Variants in NDUFV2 observed in about 807,000 individuals in gnomAD.
The protein encoded by NDUFV2 is NADH dehydrogenase [ubiquinone] flavoprotein 2, mitochondrial.
NDUFV2 carries 18 observed loss-of-function variants against 31.6 expected under a neutral mutation model. The observed-to-expected ratio is 0.57, with a 90% CI of 0.39 to 0.84. The LOEUF is 0.84. Ranked by LOEUF, NDUFV2 falls within the 40% of genes least tolerant of loss-of-function variation. The pLI, the probability that NDUFV2 is intolerant of heterozygous loss-of-function variation, is 0.00. For missense variants in NDUFV2, 314 were observed against 303.6 expected (o/e 1.03, Z -0.26); for synonymous variants, 83 against 99.8 (o/e 0.83, Z 1.01).
rs536500833 is a variant in NDUFV2, at chr18:9,107,721, G to A, written c.54+4924G>A. Among the ~76,000 whole-genome samples, 28 of 152,314 alleles carry A rather than the reference G, an allele frequency of 1.8e-4. No homozygotes were observed. The South Asian group carries it at 3.1e-3, about 17-fold the overall frequency. On this transcript the variant is annotated intron_variant, in intron 1 of 7. Coordinates refer to ENST00000318388, the MANE Select transcript of NDUFV2 (RefSeq NM_021074.5). ...AAGGGAAATCACTATGTATGGTGAA[G>A]ATTTAAATTTAATAGGCACTCTAAT...
rs148866314 is a variant in NDUFV2 at position 9,110,718 on chromosome 18, C to T, written c.55-7120C>T. ...AGACAGGGTTTCACCATGTTGCCCA[C>T]GCTGATATCAAACCCCTGGCTTCAA... On this transcript the variant is annotated intron_variant, in intron 1 of 7. Coordinates refer to ENST00000318388, the MANE Select transcript of NDUFV2 (RefSeq NM_021074.5). Among the ~76,000 whole-genome samples, 964 of 152,242 alleles carry T rather than the reference C, an allele frequency of 6.3e-3. 10 individuals are homozygous for T. Among genetic ancestry groups the T allele is most frequent in the African/African-American group, 0.022 (899 of 41,544 alleles).
At position 9,122,501 on chromosome 18, in the gene NDUFV2, C is replaced by A; in HGVS notation, c.301-12C>A. 6.3e-7 allele frequency: 1 copy of A among 1,595,076 alleles called. No homozygotes were observed. The highest frequency in any genetic ancestry group is 1.1e-5 in the South Asian group (1 of 90,474). On this transcript the variant is annotated splice_polypyrimidine_tract_variant and intron_variant, in intron 4 of 7. Transcript: ENST00000318388. ...TGTAATTATCTTATTTTTAAATGTC[C>A]TAATATTTTAGGTTGCAGAAGTTTT...
intron 1 of NDUFV2, among the ~76,000 whole-genome samples, chr18:9,111,776 G>A (rs968153100): frequency 4.0e-5 from 6 of 151,764 alleles, no homozygotes; most frequent in African/African-American, 1.5e-4. Context: ...AGTACATGCC[G>A]TTATTTTTCT....
At chr18:9,120,267 C>A (rs4148966) in intron 4 of NDUFV2, among the ~76,000 whole-genome samples, 103,068 of 152,034 alleles carry the variant, frequency 0.68, 35,382 homozygotes, top group Middle Eastern at 0.8. Flanking sequence ...CTATTTGATT[C>A]TGATGAGAAT....
intron 2 of NDUFV2, 38 bp downstream of exon 2, chr18:9,117,941 T>C (rs749236484): frequency 7.3e-7 from 1 of 1,375,536 alleles, no homozygotes; most frequent in Non-Finnish European, 1.0e-6. Flanking sequence ...AAGAAAAGAC[T>C]TGGAAATTGG....
intron 7 of NDUFV2, among the ~76,000 whole-genome samples, chr18:9,132,008 C>T (rs1220560067): frequency 6.6e-6 from 1 of 151,696 alleles, no homozygotes; most frequent in Non-Finnish European, 1.5e-5. Flanking sequence ...ATTTTTGTAG[C>T]CTTTGTAGTA....
intron 1 of NDUFV2, among the ~76,000 whole-genome samples, chr18:9,113,332 A>G (rs1046363138): frequency 2.0e-5 from 3 of 152,220 alleles, no homozygotes; most frequent in Non-Finnish European, 4.4e-5. Flanking sequence ...TTTGATAGAA[A>G]AAGCAGTAAA....
intron 6 of NDUFV2, among the ~76,000 whole-genome samples, chr18:9,126,215 G>C (rs2077989428): frequency 6.6e-6 from 1 of 152,026 alleles, no homozygotes; most frequent in Non-Finnish European, 1.5e-5. Flanking sequence ...AGATCTTTAG[G>C]GATAGATACT....
At chr18:9,130,937 C>G (rs1568197306) in intron 7 of NDUFV2, among the ~76,000 whole-genome samples, 1 of 152,188 alleles carries the variant, frequency 6.6e-6, no homozygotes, top group Non-Finnish European at 1.5e-5. Flanking sequence ...TAAGATAATA[C>G]AGTTGACTCT....
intron 1 of NDUFV2, among the ~76,000 whole-genome samples, chr18:9,104,656 T>TTCTC (rs1336360869): frequency 6.6e-6 from 1 of 151,808 alleles, no homozygotes. Context: ...GGAACTCTCT[T>TTCTC]TCTCTCCCTC....
At chr18:9,129,263 G>A (rs990744110) in intron 7 of NDUFV2, among the ~76,000 whole-genome samples, 1 of 152,090 alleles carries the variant, frequency 6.6e-6, no homozygotes, top group African/African-American at 2.4e-5. Flanking sequence ...AGAATCTTCT[G>A]CTTTGCTTCT....
intron 4 of NDUFV2, among the ~76,000 whole-genome samples, chr18:9,122,028 G>C (rs981926979): frequency 7.2e-5 from 11 of 152,072 alleles, no homozygotes; most frequent in African/African-American, 2.7e-4. Context: ...AGTGAGCTTT[G>C]ATTTTCAACC....
intron 1 of NDUFV2, among the ~76,000 whole-genome samples, chr18:9,107,630 C>T (rs1042513682): frequency 6.6e-6 from 1 of 152,154 alleles, no homozygotes; most frequent in Non-Finnish European, 1.5e-5. Context: ...TGGGTTTATT[C>T]GCAAGTCCTG....
In NDUFV2 at chr18:9,122,600, T is replaced by C. The variant is rs749684852; in HGVS notation, c.388T>C (p.Tyr130His). 10 of 1,613,940 alleles carry C rather than the reference T, an allele frequency of 6.2e-6. No homozygotes were observed. The highest frequency in any genetic ancestry group is 7.6e-6 in the Non-Finnish European group (9 of 1,179,940). Residue 130 changes from tyrosine (Y) to histidine (H), a missense_variant, in exon 5 of 8, where the codon TAT becomes CAT. Transcript: ENST00000318388. ...TMYNRKPVGKYHIQVCTTTPC... is the reference protein window; with the variant it reads ...TMYNRKPVGKHHIQVCTTTPC... ...GTATAATCGAAAGCCAGTTGGAAAG[T>C]ATCACATTCAGGTCTGCACTACTAC...
At chr18:9,112,066 A>G (rs976340211) in intron 1 of NDUFV2, among the ~76,000 whole-genome samples, 2 of 137,536 alleles carry the variant, frequency 1.5e-5, no homozygotes, top group Non-Finnish European at 3.0e-5. Context: ...TCGCCCAGGC[A>G]GGAATGCAGT....
At chr18:9,111,467 T>C (rs960672423) in intron 1 of NDUFV2, among the ~76,000 whole-genome samples, 1 of 151,802 alleles carries the variant, frequency 6.6e-6, no homozygotes, top group Non-Finnish European at 1.5e-5. Flanking sequence ...CTCACTCTGT[T>C]GCCCAGGCTG....
In NDUFV2 at chr18:9,102,731, A is replaced by G. The variant is rs369562850; in HGVS notation, c.-13A>G. On this transcript the variant is annotated 5_prime_UTR_variant, in exon 1 of 8. Coordinates refer to ENST00000318388, the MANE Select transcript of NDUFV2 (RefSeq NM_021074.5). ...CCTGGCGCGGCTGGGGAAGGTGAAC[A>G]GTGTGGCCCGCCATGTTCTTCTCCG... 508 of 1,583,038 alleles carry G rather than the reference A, an allele frequency of 3.2e-4. 2 individuals are homozygous for G. The African/African-American group carries it at 5.5e-3, about 17-fold the overall frequency.
intron 4 of NDUFV2, chr18:9,121,179 T>C (rs1196465988): frequency 6.6e-6 from 1 of 152,142 alleles, no homozygotes; most frequent in Non-Finnish European, 1.5e-5. Context: ...CTCAAGATTC[T>C]TTGCACTTTA....
At chr18:9,117,589 C>A (rs1222818742) in intron 1 of NDUFV2, 6 of 429,864 alleles carry the variant, frequency 1.4e-5, no homozygotes, top group Non-Finnish European at 2.1e-5. Context: ...CACAAGTCAG[C>A]AGATCTGGGT....
Sources: gnomAD v4.1 joint callset for allele counts (sites outside exome capture counted in the v4.1 genomes callset) on GRCh38, gnomAD v4.1.1 for gene constraint, MANE v1.5 for transcripts, NCBI Gene and HGNC (gene_info 2026-07-23, HGNC 2026-07-21) for gene names.